The following ZAP70 variants were observed in gnomAD, a reference collection of about 807,000 sequenced individuals.
The protein encoded by ZAP70 is tyrosine-protein kinase ZAP-70.
A neutral mutation model predicts 65.8 loss-of-function variants in ZAP70; 27 were observed. That is an observed-to-expected ratio of 0.41 (90% CI 0.30 to 0.57). The LOEUF (loss-of-function observed/expected upper bound fraction) is 0.57, where lower values mean the gene tolerates loss of function less well. Among genes scored for constraint, ZAP70 ranks in the 20% least tolerant of loss-of-function variants. The pLI is 0.28. For missense variants in ZAP70, 696 were observed against 870.5 expected, an observed-to-expected ratio of 0.80 and a Z score of 2.52; for synonymous variants, 363 against 360.8, an observed-to-expected ratio of 1.01 and a Z score of -0.07.
Position 97,734,539 on chromosome 2 carries a change from C to A in ZAP70, c.909C>A (p.Asp303Glu). Residue 303 changes from aspartate (D) to glutamate (E), a missense_variant, in exon 9 of 14, where the codon GAC becomes GAA. Around this residue, in one of 3 missense-constraint regions of ZAP70, gnomAD observed 551 missense variants for 630.0 expected, o/e 0.87. Transcript: ENST00000264972. ...GCCCAGCACGCATAACGTCCCCAGA[C>A]AAACCGCGGCCGATGCCCATGGACA... is the stretch of plus-strand genomic sequence containing the variant. ...TPEPARITSP[D>E]KPRPMPMDTS... The A allele has an allele frequency of 6.2e-7, 1 of 1,613,998 alleles. No individual in the cohort carries two copies. Among genetic ancestry groups the A allele is most frequent in the African/African-American group, 1.3e-5 (1 of 75,074 alleles).
At chr2:97,742,986 A>C (rs1432473344), downstream of ZAP70, among the ~76,000 whole-genome samples, 1 of 152,166 alleles carries the variant, frequency 6.6e-6, no homozygotes, top group Non-Finnish European at 1.5e-5. Flanking sequence ...CTTGAGGCAA[A>C]ACTCTTTGTC....
At chr2:97,734,328 C>A in intron 8 of ZAP70, 192 bp from the exon 9 acceptor site, 1 of 1,418,056 alleles carries the variant, frequency 7.1e-7, no homozygotes, top group South Asian at 1.5e-5. Flanking sequence ...TCATGGGGCA[C>A]CCACAGCTGT....
At position 97,734,566 on chromosome 2, in the gene ZAP70, G is replaced by C. The variant is rs779465321; in HGVS notation, c.936G>C (p.Thr312=). 6.2e-7 allele frequency: 1 copy of C among 1,614,154 alleles called. No individual in the cohort carries two copies. The highest frequency in any genetic ancestry group is 8.5e-7 in the Non-Finnish European group (1 of 1,180,020). The stretch of plus-strand genomic sequence containing the variant: ...AACCGCGGCCGATGCCCATGGACAC[G>C]AGCGTGTATGAGAGCCCCTACAGCG... ...PDKPRPMPMD[T]SVYESPYSDP... The change falls in exon 9 of 14, where the codon ACG becomes ACC. Residue 312 remains threonine, a synonymous_variant. Transcript: ENST00000264972.
chr2:97,741,100 G>A (rs1267248107), downstream of ZAP70, among the ~76,000 whole-genome samples: 6 of 152,174 alleles, frequency 3.9e-5, no homozygotes, highest in African/African-American at 1.2e-4. Context: ...AACATGTTCT[G>A]CTACTTGAGA....
the ZAP70 span, among the ~76,000 whole-genome samples, chr2:97,751,179 T>TG: frequency 1.3e-5 from 2 of 152,204 alleles, no homozygotes; most frequent in Non-Finnish European, 2.9e-5. Flanking sequence ...GCTAATAAGA[T>TG]GTAGTGTCCC....
intron 4 of ZAP70, among the ~76,000 whole-genome samples, chr2:97,728,972 C>A (rs963888797): frequency 6.6e-6 from 1 of 152,232 alleles, no homozygotes; most frequent in African/African-American, 2.4e-5. Flanking sequence ...AGGCTGGTCT[C>A]GAACTCCTGA....
At chr2:97,721,318 G>A (rs918287967) in intron 2 of ZAP70, among the ~76,000 whole-genome samples, 1 of 152,158 alleles carries the variant, frequency 6.6e-6, no homozygotes, top group East Asian at 1.9e-4. Flanking sequence ...GTCATTCTCA[G>A]ACATACAGAG....
At chr2:97,735,570 A>G in intron 10 of ZAP70, 114 bp downstream of exon 10, 5 of 1,236,382 alleles carry the variant, frequency 4.0e-6, no homozygotes, top group Middle Eastern at 2.8e-4. Context: ...CTTCCACACC[A>G]TCGTGGACAC....
chr2:97,755,977 G>A, the ZAP70 span, among the ~76,000 whole-genome samples: 4 of 152,228 alleles, frequency 2.6e-5, no homozygotes, highest in Non-Finnish European at 5.9e-5. Context: ...GGTTCCTCAA[G>A]TATAATGGAG....
At chr2:97,749,285 A>G in the ZAP70 span, among the ~76,000 whole-genome samples, 1 of 152,204 alleles carries the variant, frequency 6.6e-6, no homozygotes, top group Non-Finnish European at 1.5e-5. Flanking sequence ...CTAGGATTGC[A>G]GGCATGAGGC....
chr2:97,723,200 G>A (rs1340070053), intron 2 of ZAP70, among the ~76,000 whole-genome samples: 2 of 152,214 alleles, frequency 1.3e-5, no homozygotes, highest in Non-Finnish European at 2.9e-5. Context: ...AAACCCTAAT[G>A]CATTTAACCA....
At position 97,736,387 on chromosome 2, in the gene ZAP70, A is replaced by C. The variant is rs1307365646; in HGVS notation, c.1289+931A>C. ...GATCTGTGCCCTCTGGCTGGTGCAC[A>C]CACCTTCCCAGTGTGCCCCTGGCTC... On this transcript the variant is annotated intron_variant, in intron 10 of 13. Coordinates refer to ENST00000264972, the MANE Select transcript of ZAP70 (RefSeq NM_001079.4). This position sits in a 1 kb window ranked among gnomAD's most constrained non-coding sequence, Gnocchi z 4.0. Among the ~76,000 whole-genome samples, 3 of 152,130 alleles carry C rather than the reference A, an allele frequency of 2.0e-5. No individual in the cohort carries two copies. The East Asian group carries it at 5.8e-4, about 29-fold the overall frequency.
chr2:97,752,794 TA>T, the ZAP70 span, among the ~76,000 whole-genome samples: 8 of 152,248 alleles, frequency 5.3e-5, no homozygotes, highest in African/African-American at 1.9e-4. Flanking sequence ...TTTGTTCTTT[TA>T]TTTTTTCCAA....
chr2:97,724,274 C>T lies in ZAP70; in HGVS notation c.238C>T (p.Pro80Ser), dbSNP rs1391474757. The T allele has an allele frequency of 3.1e-6, 5 of 1,603,984 alleles. No homozygotes were observed. The highest frequency in any genetic ancestry group is 3.4e-6 in the Non-Finnish European group (4 of 1,177,964). ...TGCCGGCGGCAAAGCGCACTGTGGA[C>T]CGGCAGAGCTCTGCGAGTTCTACTC... is the stretch of plus-strand genomic sequence containing the variant. ...AIAGGKAHCG[P>S]AELCEFYSRD... The change falls in exon 3 of 14, where the codon CCG (proline) becomes TCG (serine). Residue 80 changes from proline to serine, a missense_variant. Physicochemically the swap from Pro to Ser is moderately conservative, Grantham distance 74. Around this residue, in one of 3 missense-constraint regions of ZAP70, gnomAD observed 551 missense variants for 630.0 expected, o/e 0.87. Coordinates refer to ENST00000264972, the MANE Select transcript of ZAP70 (RefSeq NM_001079.4).
intron 4 of ZAP70, among the ~76,000 whole-genome samples, chr2:97,732,103 G>A (rs1677634677): frequency 1.3e-5 from 2 of 151,832 alleles, no homozygotes; most frequent in African/African-American, 2.4e-5. Context: ...GCGGATGGGG[G>A]GACAGTTTCT....
rs1388326751 is a variant in ZAP70, at chr2:97,737,950, G to A, written c.1624-45G>A. 3.7e-6 allele frequency: 6 copies of A among 1,614,010 alleles called. No homozygotes were observed. The highest frequency in any genetic ancestry group is 5.1e-6 in the Non-Finnish European group (6 of 1,179,894). On this transcript the variant is annotated intron_variant, in intron 12 of 13. Coordinates refer to ENST00000264972, the MANE Select transcript of ZAP70 (RefSeq NM_001079.4). The surrounding 1 kb of genome is among the most constrained non-coding windows in gnomAD (Gnocchi z 5.0). ...GTGTGGTGGGGAGGGGGATGAGGAG[G>A]AGGACACTGGTCACTCACAGGTGTC... is the stretch of plus-strand genomic sequence containing the variant.
At chr2:97,756,361 A>C in the ZAP70 span, 3 of 152,268 alleles carry the variant, frequency 2.0e-5, 1 homozygote, top group South Asian at 6.2e-4. Context: ...CATTTATTTC[A>C]AAGTACAACA....
At chr2:97,749,780 C>T in the ZAP70 span, among the ~76,000 whole-genome samples, 1 of 151,870 alleles carries the variant, frequency 6.6e-6, no homozygotes, top group South Asian at 2.1e-4. Context: ...TGCTGAGAGG[C>T]GGGGCTGAGG....
At chr2:97,719,443 G>T (rs544330004) in intron 2 of ZAP70, among the ~76,000 whole-genome samples, 1 of 151,656 alleles carries the variant, frequency 6.6e-6, no homozygotes, top group Non-Finnish European at 1.5e-5. Context: ...AAGCAGGAGG[G>T]AGGAGTCATA....
Sources: gnomAD v4.1 joint callset for allele counts (sites outside exome capture counted in the v4.1 genomes callset) on GRCh38, gnomAD v4.1.1 for gene constraint, gnomAD v4.1.1 regional missense constraint, Gnocchi (gnomAD v3.1) non-coding constraint, MANE v1.5 for transcripts, NCBI Gene and HGNC (gene_info 2026-07-23, HGNC 2026-07-21) for gene names.